Variants in FOXP2 observed in about 807,000 individuals in gnomAD.
FOXP2 encodes forkhead box protein P2.
A neutral mutation model predicts 115.8 loss-of-function variants in FOXP2; 12 were observed. The ratio of observed to expected loss-of-function variants is 0.10; its 90% confidence interval spans 0.07 to 0.17. FOXP2 has a LOEUF of 0.17. FOXP2 is among the 10% of genes least tolerant of loss of function. The probability of loss-of-function intolerance (pLI) is 1.00; values close to 1 mark genes in which losing one functional copy is unlikely to be tolerated. For synonymous variants in FOXP2, 328 were observed against 297.7 expected, an observed-to-expected ratio of 1.10 and a Z score of -1.05; for missense variants, 629 against 843.5, an observed-to-expected ratio of 0.75 and a Z score of 3.15.
chr7:114,335,136 C>T (rs976700558), intron 2 of FOXP2, among the ~76,000 whole-genome samples: 11 of 151,012 alleles, frequency 7.3e-5, no homozygotes, highest in Non-Finnish European at 1.6e-4. Context: ...TATGCTCAGA[C>T]GTTGAAAATA....
At chr7:114,146,731 T>C (rs1792382175) in intron 1 of FOXP2, among the ~76,000 whole-genome samples, 2 of 152,206 alleles carry the variant, frequency 1.3e-5, no homozygotes, top group African/African-American at 4.8e-5. Flanking sequence ...GGAAAACAAT[T>C]GTTGTTGCCA....
intron 2 of FOXP2, chr7:114,288,115 T>G (rs778037270): frequency 2.2e-6 from 1 of 452,908 alleles, no homozygotes; most frequent in South Asian, 1.6e-5. Context: ...AACAGGTAAG[T>G]GTCCTTTTGG....
intron 3 of FOXP2, among the ~76,000 whole-genome samples, chr7:114,628,254 ATTT>A (rs1439403926): frequency 4.6e-5 from 7 of 151,906 alleles, no homozygotes; most frequent in Admixed American, 4.0e-4. Context: ...GTGGTTGTTT[ATTT>A]TTAACTATAG....
At position 114,382,023 on chromosome 7, in the gene FOXP2, C is replaced by T. The variant is rs367622934; in HGVS notation, c.-10-44479C>T. ...TCTCCTATATTCACATGTATAATGG[C>T]CCCTGCTTTTGCTAGAATGTCTCTC... On this transcript the variant is annotated intron_variant, in intron 2 of 17. Transcript: ENST00000634411. 4.1e-4 allele frequency among the ~76,000 whole-genome samples: 62 copies of T among 152,272 alleles called. 1 individual carries two copies. Among genetic ancestry groups the T allele is most frequent in the African/African-American group, 1.4e-3 (58 of 41,532 alleles).
intron 2 of FOXP2, among the ~76,000 whole-genome samples, chr7:114,496,595 T>C (rs2129248914): frequency 6.6e-6 from 1 of 152,250 alleles, no homozygotes; most frequent in Non-Finnish European, 1.5e-5. Flanking sequence ...TAATCATAAA[T>C]TACTAGTTAA....
At chr7:114,485,498 A>G (rs1051926461) in intron 2 of FOXP2, among the ~76,000 whole-genome samples, 1 of 147,912 alleles carries the variant, frequency 6.8e-6, no homozygotes, top group Non-Finnish European at 1.5e-5. Context: ...GCAAACATAT[A>G]ATCTGAATAT....
At chr7:114,514,946 C>G (rs1204937875) in intron 2 of FOXP2, among the ~76,000 whole-genome samples, 1 of 150,652 alleles carries the variant, frequency 6.6e-6, no homozygotes, top group Admixed American at 6.6e-5. Flanking sequence ...CAATTCCCAC[C>G]TATGAGTGAG....
intron 16 of FOXP2, chr7:114,665,581 T>C (rs1807120049): frequency 6.6e-6 from 1 of 152,156 alleles, no homozygotes. Flanking sequence ...GTCTAATTGC[T>C]TTATAGCACT....
At chr7:114,547,743 AG>A (rs1188929070) in intron 3 of FOXP2, among the ~76,000 whole-genome samples, 2 of 152,006 alleles carry the variant, frequency 1.3e-5, no homozygotes, top group Non-Finnish European at 2.9e-5. Flanking sequence ...TGGGCAACAG[AG>A]CGAGACGTCG....
intron 2 of FOXP2, among the ~76,000 whole-genome samples, chr7:114,532,883 A>G (rs1799207737): frequency 6.6e-6 from 1 of 151,918 alleles, no homozygotes; most frequent in African/African-American, 2.4e-5. Flanking sequence ...CCATTTGGAA[A>G]ATTATCATTT....
At chr7:114,410,326 G>T (rs1049573585), upstream of FOXP2, among the ~76,000 whole-genome samples, 1 of 152,040 alleles carries the variant, frequency 6.6e-6, no homozygotes, top group Admixed American at 6.6e-5. Flanking sequence ...TACTCTGTAC[G>T]TAGAAGATAT....
intron 2 of FOXP2, among the ~76,000 whole-genome samples, chr7:114,342,192 A>C (rs1168371909): frequency 6.6e-6 from 1 of 151,364 alleles, no homozygotes; most frequent in African/African-American, 2.4e-5. Flanking sequence ...CATTTTGACT[A>C]TTCCTTTTAT....
chr7:114,152,764 A>T (rs903998114), intron 1 of FOXP2, among the ~76,000 whole-genome samples: 2 of 152,054 alleles, frequency 1.3e-5, no homozygotes, highest in African/African-American at 2.4e-5. Context: ...AGAACAGGGA[A>T]GGTGTTTGCT....
chr7:114,588,753 T>C (rs1037600785), intron 3 of FOXP2, among the ~76,000 whole-genome samples: 51 of 152,302 alleles, frequency 3.3e-4, no homozygotes, highest in African/African-American at 1.2e-3. Flanking sequence ...ATTTTGGCTG[T>C]CTCCATACAC....
At chr7:114,527,706 A>G (rs1368526047) in intron 2 of FOXP2, among the ~76,000 whole-genome samples, 1 of 152,118 alleles carries the variant, frequency 6.6e-6, no homozygotes, top group African/African-American at 2.4e-5. Flanking sequence ...GTGTTTTATA[A>G]TCTAATTTCC....
At chr7:114,672,871 G>A (rs1205571140) in intron 16 of FOXP2, among the ~76,000 whole-genome samples, 1 of 152,090 alleles carries the variant, frequency 6.6e-6, no homozygotes, top group African/African-American at 2.4e-5. Flanking sequence ...CTCCAATAGG[G>A]CAGTTTGGTA....
chr7:114,103,789 G>T (rs1284666656), intron 1 of FOXP2, among the ~76,000 whole-genome samples: 1 of 151,752 alleles, frequency 6.6e-6, no homozygotes, highest in Non-Finnish European at 1.5e-5. Flanking sequence ...TTTTTCCCTT[G>T]GGAATTGTTA....
At chr7:114,578,725 A>G (rs968628553) in intron 3 of FOXP2, among the ~76,000 whole-genome samples, 8 of 152,094 alleles carry the variant, frequency 5.3e-5, no homozygotes, top group African/African-American at 1.9e-4. Context: ...ATATTACTTG[A>G]CTACATGTGG....
chr7:114,304,184 T>G (rs1028883787), intron 2 of FOXP2, among the ~76,000 whole-genome samples: 4 of 152,090 alleles, frequency 2.6e-5, no homozygotes, highest in Non-Finnish European at 5.9e-5. Context: ...AAATAAACAC[T>G]CTAGCTTCTA....
Sources: allele counts gnomAD v4.1 joint callset (sites outside exome capture counted in the v4.1 genomes callset), GRCh38; gene constraint gnomAD v4.1.1; transcripts MANE v1.5; gene names NCBI Gene and HGNC (gene_info 2026-07-23, HGNC 2026-07-21).